Variants in CELSR1 observed in about 807,000 individuals in gnomAD.
CELSR1 encodes the protein adhesion G protein-coupled receptor C1.
In CELSR1, 110 loss-of-function variants were observed where a neutral mutation model predicts 249.1. The observed-to-expected ratio is 0.44, with a 90% CI of 0.38 to 0.52. CELSR1 has a LOEUF of 0.52. Ranked by LOEUF, CELSR1 falls within the 20% of genes least tolerant of loss-of-function variation. CELSR1 has a pLI of 0.00. For synonymous variants in CELSR1, 2,113 were observed against 1,900.0 expected (o/e 1.11, Z -2.92); for missense variants, 4,109 against 4,296.4 (o/e 0.96, Z 1.22).
In CELSR1 at chr22:46,366,443, G is replaced by A. The variant is rs375345581; in HGVS notation, c.8243C>T (p.Pro2748Leu). ...LNCNTTFGDG[P>L]DMLRTDLGES... ...GCCCAAGTCTGTGCGCAGCATGTCAGGCCCGTCACCGAAGGTGGTGTTGCA... is the reference window on the plus strand; with the variant it reads ...GCCCAAGTCTGTGCGCAGCATGTCAAGCCCGTCACCGAAGGTGGTGTTGCA... The change falls in exon 30 of 35, where the codon CCT becomes CTT. Residue 2748 changes from proline (P) to leucine (L), a missense_variant. By Grantham distance (98) the Pro-to-Leu change is moderately conservative. This residue lies in a region of CELSR1 where 1,805 missense variants were observed against 1,831.6 expected (regional missense o/e 0.99). Transcript: ENST00000674500. 15 of 1,550,258 alleles carry A rather than the reference G, an allele frequency of 9.7e-6. No homozygotes were observed. The highest frequency in any genetic ancestry group is 1.2e-5 in the Non-Finnish European group (14 of 1,146,760).
At chr22:46,444,149 G>A (rs1256450471) in intron 2 of CELSR1, among the ~76,000 whole-genome samples, 2 of 152,200 alleles carry the variant, frequency 1.3e-5, no homozygotes, top group East Asian at 1.9e-4. Context: ...GTAGCTTCCC[G>A]GTCCCACCTG....
chr22:46,381,593 G>A lies in CELSR1; in HGVS notation c.7088+253C>T, dbSNP rs1410326461. ...AGATGGGGTGTATGCTGGGGAGGGG[G>A]CATTTCTGGCACAAACACCAGGATG... On this transcript the variant is annotated intron_variant, in intron 21 of 34. Coordinates refer to ENST00000674500, the MANE Select transcript of CELSR1 (RefSeq NM_001378328.1). This position sits in a 1 kb window ranked among gnomAD's most constrained non-coding sequence, Gnocchi z 6.0. Among the ~76,000 whole-genome samples the A allele has an allele frequency of 6.6e-6, 1 of 152,216 alleles. No homozygotes were observed.
At chr22:46,379,080 C>T (rs905541243) in intron 22 of CELSR1, among the ~76,000 whole-genome samples, 3 of 152,234 alleles carry the variant, frequency 2.0e-5, no homozygotes, top group Non-Finnish European at 4.4e-5. Context: ...GGGGCTGTCT[C>T]GCGTCCGCCC....
chr22:46,468,646 T>C lies in CELSR1; in HGVS notation c.3545-4301A>G, dbSNP rs187093958. On this transcript the variant is annotated intron_variant, in intron 1 of 34. Transcript: ENST00000674500. The surrounding 1 kb of genome is among the most constrained non-coding windows in gnomAD (Gnocchi z 4.5). ...TGTTTAGTGGGTGTGGGGTTTCAGT[T>C]TGGGGCCATGAAAAAGTTCTGGAGA... Among the ~76,000 whole-genome samples the C allele has an allele frequency of 2.9e-3, 436 of 152,170 alleles. 1 individual carries two copies. Among genetic ancestry groups the C allele is most frequent in the African/African-American group, 9.9e-3 (409 of 41,522 alleles).
rs1416352497 is a variant in CELSR1, at chr22:46,506,093, C to A, written c.3544+27534G>T. Among the ~76,000 whole-genome samples the A allele has an allele frequency of 2.7e-5, 4 of 150,298 alleles. No homozygotes were observed. The highest frequency in any genetic ancestry group is 6.6e-5 in the Admixed American group (1 of 15,064). On this transcript the variant is annotated intron_variant, in intron 1 of 34. Coordinates refer to ENST00000674500, the MANE Select transcript of CELSR1 (RefSeq NM_001378328.1). This position sits in a 1 kb window ranked among gnomAD's most constrained non-coding sequence, Gnocchi z 4.1. ...ACTCGGGAGGCTGAGGCAGGAGAAT[C>A]ACTTGAACCTGGGAGGACGAGGTTG...
Position 46,364,140 on chromosome 22 carries a change from G to C in CELSR1, c.8891C>G (p.Ser2964Trp), listed in dbSNP as rs6008777. ...LADCEQSPTS[S>W]RTSSLGSGGP... ...GCCAGAGCCCAGGGAAGACGTGCGCGAGGATGTGGGGCTCTGCTCACAGTC... is the reference window on the plus strand; with the variant it reads ...GCCAGAGCCCAGGGAAGACGTGCGCCAGGATGTGGGGCTCTGCTCACAGTC... Residue 2964 changes from serine to tryptophan, a missense_variant, in exon 34 of 35, where the codon TCG (serine) becomes TGG (tryptophan). Ser to Trp is a radical substitution (Grantham distance 177). Transcript: ENST00000674500. The C allele has an allele frequency of 6.2e-7, 1 of 1,607,994 alleles. No individual in the cohort carries two copies. The highest frequency in any genetic ancestry group is 8.5e-7 in the Non-Finnish European group (1 of 1,179,586).
Position 46,398,955 on chromosome 22 carries a change from A to G in CELSR1, c.5413-318T>C, listed in dbSNP as rs2079181852. ...CTAAACCAGCCACGCTGTGACAGAG[A>G]GCTTGGCGAGTCAGGAAGACTGCAG... On this transcript the variant is annotated intron_variant, in intron 10 of 34. Transcript: ENST00000674500. The surrounding 1 kb of genome is among the most constrained non-coding windows in gnomAD (Gnocchi z 7.2). Among the ~76,000 whole-genome samples, 1 of 152,162 alleles carries G rather than the reference A, an allele frequency of 6.6e-6. No homozygotes were observed. The highest frequency in any genetic ancestry group is 1.5e-5 in the Non-Finnish European group (1 of 68,026).
At chr22:46,432,901 G>A (rs1357101138) in intron 5 of CELSR1, among the ~76,000 whole-genome samples, 3 of 152,084 alleles carry the variant, frequency 2.0e-5, no homozygotes, top group Non-Finnish European at 4.4e-5. Context: ...CCAGCACAGG[G>A]CTCAGGTGTA....
intron 1 of CELSR1, among the ~76,000 whole-genome samples, chr22:46,499,135 G>A (rs1414356956): frequency 1.3e-5 from 2 of 149,776 alleles, no homozygotes; most frequent in Non-Finnish European, 3.0e-5. Flanking sequence ...AGCCGAGATC[G>A]TGCCACTGCA....
At position 46,473,420 on chromosome 22, in the gene CELSR1, T is replaced by C. The variant is rs1263969915; in HGVS notation, c.3545-9075A>G. On this transcript the variant is annotated intron_variant, in intron 1 of 34. Transcript: ENST00000674500. The surrounding 1 kb of genome is among the most constrained non-coding windows in gnomAD (Gnocchi z 6.6). ...GCCAGTTTGTGACCCACCTGGGGCC[T>C]TGGAGATGACCCAGTGAGATGGAGC... 6.6e-6 allele frequency among the ~76,000 whole-genome samples: 1 copy of C among 152,088 alleles called. No individual in the cohort carries two copies. The highest frequency in any genetic ancestry group is 1.5e-5 in the Non-Finnish European group (1 of 67,996).
chr22:46,509,961 A>T (rs9615373), intron 1 of CELSR1, among the ~76,000 whole-genome samples: 12,288 of 152,266 alleles, frequency 0.081, 624 homozygotes, highest in South Asian at 0.23. Context: ...GCAGGTGACA[A>T]GGCTGGGGAC....
rs762053011 is a variant in CELSR1 at position 46,411,629 on chromosome 22, G to T, written c.4742C>A (p.Ala1581Asp). 6.2e-7 allele frequency: 1 copy of T among 1,614,176 alleles called. No individual in the cohort carries two copies. ...GKDIGNYSCAAQGTQTGSKKS... is the reference protein window; with the variant it reads ...GKDIGNYSCADQGTQTGSKKS... ...CTTGGAGCCGGTCTGAGTGCCCTGG[G>T]CAGCGCAGCTGTAGTTCCCGATGTC... The change falls in exon 6 of 35, where the codon GCC becomes GAC. Residue 1581 changes from alanine (A) to aspartate (D), a missense_variant. Ala to Asp is a moderately radical substitution (Grantham distance 126). Around this residue, in one of 7 missense-constraint regions of CELSR1, gnomAD observed 453 missense variants for 492.0 expected, o/e 0.92. Transcript: ENST00000674500. The surrounding 1 kb of genome is among the most constrained non-coding windows in gnomAD (Gnocchi z 4.2).
chr22:46,519,484 C>T lies in CELSR1; in HGVS notation c.3544+14143G>A, dbSNP rs1472482219. Among the ~76,000 whole-genome samples, 11 of 152,222 alleles carry T rather than the reference C, an allele frequency of 7.2e-5. 1 individual carries two copies. Among genetic ancestry groups the T allele is most frequent in the Admixed American group, 7.2e-4 (11 of 15,288 alleles). On this transcript the variant is annotated intron_variant, in intron 1 of 34. Transcript: ENST00000674500. Reference sequence around the variant, plus strand: ...CACAGGGCTACGATTTGGGAGCCCCCGGGTTGGCCCGGGGAGCAGCGGTCT... The same window carrying T: ...CACAGGGCTACGATTTGGGAGCCCCTGGGTTGGCCCGGGGAGCAGCGGTCT...
chr22:46,454,069 C>T lies in CELSR1; in HGVS notation c.4183+9638G>A, dbSNP rs2079917446. Among the ~76,000 whole-genome samples, 1 of 152,182 alleles carries T rather than the reference C, an allele frequency of 6.6e-6. No individual in the cohort carries two copies. The highest frequency in any genetic ancestry group is 1.5e-5 in the Non-Finnish European group (1 of 68,038). The stretch of plus-strand genomic sequence containing the variant: ...CTGCATTACTGTGTGGCCCCAAAGT[C>T]ATCACAAGGCTCCTTGTAAGCGGTG... On this transcript the variant is annotated intron_variant, in intron 2 of 34. Coordinates refer to ENST00000674500, the MANE Select transcript of CELSR1 (RefSeq NM_001378328.1). This position sits in a 1 kb window ranked among gnomAD's most constrained non-coding sequence, Gnocchi z 5.1.
Position 46,448,615 on chromosome 22 carries a change from G to A in CELSR1, c.4184-9204C>T, listed in dbSNP as rs569363817. ...AACTAGAATTTCCAAAGGCCACAAT[G>A]GTAAAACTCAAGCACTTGATGAAGG... is the stretch of plus-strand genomic sequence containing the variant. On this transcript the variant is annotated intron_variant, in intron 2 of 34. Transcript: ENST00000674500. This position sits in a 1 kb window ranked among gnomAD's most constrained non-coding sequence, Gnocchi z 5.7. 4.8e-6 allele frequency: 2 copies of A among 416,606 alleles called. No homozygotes were observed. The highest frequency in any genetic ancestry group is 2.1e-5 in the African/African-American group (1 of 48,214). 25.8% of individuals were successfully genotyped at this position (416,606 alleles called of 1,614,324 possible).
intron 1 of CELSR1, among the ~76,000 whole-genome samples, chr22:46,496,454 G>C (rs2878871): frequency 0.67 from 101,569 of 151,756 alleles, 35,072 homozygotes; most frequent in East Asian, 0.98. Flanking sequence ...TGTACTCCCA[G>C]CTACTCAGGA....
chr22:46,444,723 C>T (rs1329139949), intron 2 of CELSR1, among the ~76,000 whole-genome samples: 2 of 152,196 alleles, frequency 1.3e-5, no homozygotes, highest in Non-Finnish European at 2.9e-5. Flanking sequence ...CATTGTCTCA[C>T]AGTCGCACAG....
At chr22:46,497,121 T>C (rs1417734258) in intron 1 of CELSR1, among the ~76,000 whole-genome samples, 3 of 152,206 alleles carry the variant, frequency 2.0e-5, no homozygotes. Flanking sequence ...GTAAGAATTT[T>C]TCAGCTCCAT....
chr22:46,481,637 T>A lies in CELSR1; in HGVS notation c.3545-17292A>T, dbSNP rs1017120789. 6 of 677,194 alleles carry A rather than the reference T, an allele frequency of 8.9e-6. No individual in the cohort carries two copies. In the African/African-American group the frequency reaches 1.1e-4, roughly 12 times the overall value. 41.9% of individuals were successfully genotyped at this position (677,194 alleles called of 1,614,324 possible). On this transcript the variant is annotated intron_variant, in intron 1 of 34. Coordinates refer to ENST00000674500, the MANE Select transcript of CELSR1 (RefSeq NM_001378328.1). Reference sequence around the variant, plus strand: ...TGACTGTCCTCACAACAGCTGGTGCTGCACCAGAACATGAGACAATGCATC... The same window carrying A: ...TGACTGTCCTCACAACAGCTGGTGCAGCACCAGAACATGAGACAATGCATC...
Sources: allele counts gnomAD v4.1 joint callset (sites outside exome capture counted in the v4.1 genomes callset), GRCh38; gene constraint gnomAD v4.1.1; regional missense constraint gnomAD v4.1.1; non-coding constraint Gnocchi (gnomAD v3.1); transcripts MANE v1.5; gene names NCBI Gene and HGNC (gene_info 2026-07-23, HGNC 2026-07-21).